Variants in TAOK3 observed in about 807,000 individuals in gnomAD.
TAOK3 encodes serine/threonine-protein kinase TAO3.
In TAOK3, 40 loss-of-function variants were observed where a neutral mutation model predicts 120.4. The observed-to-expected ratio is 0.33, with a 90% CI of 0.26 to 0.43. TAOK3 has a LOEUF of 0.43. Ranked by LOEUF, TAOK3 falls within the 20% of genes least tolerant of loss-of-function variation. TAOK3 has a pLI of 1.00. For missense variants in TAOK3, 821 were observed against 1,112.1 expected (o/e 0.74, Z 3.72); for synonymous variants, 355 against 387.5 (o/e 0.92, Z 0.99).
At chr12:118,369,614 A>G (rs1276766988) in intron 1 of TAOK3, among the ~76,000 whole-genome samples, 5 of 152,214 alleles carry the variant, frequency 3.3e-5, no homozygotes, top group Non-Finnish European at 7.3e-5. Flanking sequence ...TGATATTGAG[A>G]TTCTCAATCC....
At chr12:118,333,004 C>T (rs922292947) in intron 1 of TAOK3, among the ~76,000 whole-genome samples, 1 of 107,368 alleles carries the variant, frequency 9.3e-6, no homozygotes, top group Non-Finnish European at 1.8e-5. Flanking sequence ...ACAGATAGAG[C>T]TAAAAGAGAA....
At chr12:118,223,493 C>A (rs2039350875) in intron 9 of TAOK3, among the ~76,000 whole-genome samples, 1 of 150,962 alleles carries the variant, frequency 6.6e-6, no homozygotes, top group Non-Finnish European at 1.5e-5. Flanking sequence ...ACTACAGGCG[C>A]CCGGCACCAC....
chr12:118,168,302 G>A (rs997696425), intron 17 of TAOK3, among the ~76,000 whole-genome samples: 5 of 152,170 alleles, frequency 3.3e-5, no homozygotes, highest in African/African-American at 1.2e-4. Flanking sequence ...TTACATGCTT[G>A]TAATTTGCTA....
At chr12:118,271,273 T>G in intron 1 of TAOK3, among the ~76,000 whole-genome samples, 1 of 152,194 alleles carries the variant, frequency 6.6e-6, no homozygotes, top group Non-Finnish European at 1.5e-5. Context: ...CAGTTATTTT[T>G]AGAACATTTT....
At chr12:118,338,786 CAAAAAAAAAAAAAA>C (rs71069438) in intron 1 of TAOK3, among the ~76,000 whole-genome samples, 10 of 49,840 alleles carry the variant, frequency 2.0e-4, no homozygotes, top group African/African-American at 5.3e-4. Context: ...GACTCCGTCT[CAAAAAAAAAAAAAA>C]AAAAAAAAAA....
intron 1 of TAOK3, among the ~76,000 whole-genome samples, chr12:118,304,580 A>G (rs959894324): frequency 4.6e-5 from 7 of 152,184 alleles, no homozygotes. Flanking sequence ...GCATGGTTAC[A>G]ATGTTCTCTT....
At chr12:118,304,602 A>G (rs574017907) in intron 1 of TAOK3, among the ~76,000 whole-genome samples, 3 of 152,310 alleles carry the variant, frequency 2.0e-5, no homozygotes, top group African/African-American at 7.2e-5. Flanking sequence ...AAAAAAATGT[A>G]ATCTGAAATA....
chr12:118,159,920 G>T (rs1397546185), intron 19 of TAOK3: 1 of 576,304 alleles, frequency 1.7e-6, no homozygotes, highest in East Asian at 2.9e-5. Context: ...TGTGCCACAG[G>T]TCTGATGTGG....
chr12:118,246,748 G>A (rs1403043185), intron 3 of TAOK3: 9 of 1,570,452 alleles, frequency 5.7e-6, no homozygotes, highest in Non-Finnish European at 2.6e-6. Flanking sequence ...ATCGATGACT[G>A]CTACACCTCA....
chr12:118,246,360 A>G, intron 3 of TAOK3: 2 of 1,603,564 alleles, frequency 1.2e-6, no homozygotes. Context: ...GGAATCAGAG[A>G]TCATTGATTT....
intron 9 of TAOK3, among the ~76,000 whole-genome samples, chr12:118,233,410 A>T (rs2039873374): frequency 6.6e-6 from 1 of 150,828 alleles, no homozygotes; most frequent in African/African-American, 2.4e-5. Flanking sequence ...AATAATAATT[A>T]AAAAATTAAA....
chr12:118,174,925 G>A (rs1191156847), intron 16 of TAOK3, among the ~76,000 whole-genome samples: 3 of 152,158 alleles, frequency 2.0e-5, no homozygotes, highest in Non-Finnish European at 4.4e-5. Flanking sequence ...GCCTCCCAAA[G>A]TGCTGGGATT....
chr12:118,238,588 G>T (rs1333201449), intron 6 of TAOK3, among the ~76,000 whole-genome samples: 2 of 151,758 alleles, frequency 1.3e-5, no homozygotes, highest in Middle Eastern at 3.4e-3. Context: ...CATTATTTGT[G>T]AAAGAAGCTA....
intron 1 of TAOK3, among the ~76,000 whole-genome samples, chr12:118,331,838 T>C (rs2044164587): frequency 6.6e-6 from 1 of 150,934 alleles, no homozygotes. Context: ...TTTTTTTTTT[T>C]TTTTTTGAGA....
At chr12:118,358,375 G>T (rs2045478039) in intron 1 of TAOK3, among the ~76,000 whole-genome samples, 1 of 152,060 alleles carries the variant, frequency 6.6e-6, no homozygotes, top group Non-Finnish European at 1.5e-5. Context: ...TCTAAATTTG[G>T]TATTACATTC....
At chr12:118,186,683 C>T (rs1776217913) in intron 14 of TAOK3, among the ~76,000 whole-genome samples, 1 of 152,106 alleles carries the variant, frequency 6.6e-6, no homozygotes, top group African/African-American at 2.4e-5. Context: ...CCTTCCTTTT[C>T]CTAATTCTTC....
At chr12:118,257,401 CATTA>C (rs2041033596) in intron 2 of TAOK3, among the ~76,000 whole-genome samples, 1 of 151,904 alleles carries the variant, frequency 6.6e-6, no homozygotes, top group Non-Finnish European at 1.5e-5. Flanking sequence ...ATTGATCTGC[CATTA>C]GTTACATAAA....
chr12:118,202,621 T>C (rs560715086), intron 11 of TAOK3, among the ~76,000 whole-genome samples: 79 of 152,238 alleles, frequency 5.2e-4, no homozygotes, highest in Non-Finnish European at 9.4e-4. Flanking sequence ...TTAGTGAATG[T>C]TGAGTATCTT....
At chr12:118,347,784 A>G (rs1214284617) in intron 1 of TAOK3, among the ~76,000 whole-genome samples, 1 of 152,140 alleles carries the variant, frequency 6.6e-6, no homozygotes, top group Non-Finnish European at 1.5e-5. Context: ...AATGCCCTCA[A>G]TAAATCTCTC....
Sources: allele counts gnomAD v4.1 joint callset (sites outside exome capture counted in the v4.1 genomes callset), GRCh38; gene constraint gnomAD v4.1.1; transcripts MANE v1.5; gene names NCBI Gene and HGNC (gene_info 2026-07-23, HGNC 2026-07-21).